The following VKORC1L1 variants were observed in gnomAD, a reference collection of about 807,000 sequenced individuals.
VKORC1L1 encodes the protein vitamin K epoxide reductase complex subunit 1L1.
In VKORC1L1, 2 loss-of-function variants were observed where a neutral mutation model predicts 18.9. The observed-to-expected ratio is 0.11, with a 90% CI of 0.04 to 0.33. The LOEUF (loss-of-function observed/expected upper bound fraction) is 0.33. Ranked by LOEUF, VKORC1L1 falls within the 10% of genes least tolerant of loss-of-function variation. The pLI is 1.00. For synonymous variants in VKORC1L1, 96 were observed against 100.0 expected, an observed-to-expected ratio of 0.96 and a Z score of 0.24; for missense variants, 123 against 224.1, an observed-to-expected ratio of 0.55 and a Z score of 2.88.
chr7:65,874,216 A>G (rs62470880), intron 1 of VKORC1L1, among the ~76,000 whole-genome samples: 5,650 of 152,124 alleles, frequency 0.037, 162 homozygotes, highest in East Asian at 0.088. Context: ...CGCACTTAAC[A>G]TATCTGATTT....
rs1400355624 is a variant in VKORC1L1, at chr7:65,922,919, A to G, written c.195-25752A>G. Among the ~76,000 whole-genome samples, 3 of 152,090 alleles carry G rather than the reference A, an allele frequency of 2.0e-5. 1 individual carries two copies. Among genetic ancestry groups the G allele is most frequent in the Non-Finnish European group, 4.4e-5 (3 of 68,020 alleles). Reference sequence around the variant, plus strand: ...CTGCTTGGGGTTCAACTCTTCTTGAATCTGTGGCTTAGTGTGTCTTTCTTC... The same window carrying G: ...CTGCTTGGGGTTCAACTCTTCTTGAGTCTGTGGCTTAGTGTGTCTTTCTTC... On this transcript the variant is annotated intron_variant, in intron 1 of 2. Coordinates refer to ENST00000360768, the MANE Select transcript of VKORC1L1 (RefSeq NM_173517.6).
intron 1 of VKORC1L1, among the ~76,000 whole-genome samples, chr7:65,901,161 G>C (rs1187801836): frequency 6.6e-6 from 1 of 152,196 alleles, no homozygotes; most frequent in East Asian, 1.9e-4. Context: ...ATTTTGTTCG[G>C]TGTTATAAAG....
At chr7:65,933,077 CAAAAAAAA>C (rs59403784) in intron 1 of VKORC1L1, among the ~76,000 whole-genome samples, 2 of 65,356 alleles carry the variant, frequency 3.1e-5, no homozygotes, top group Non-Finnish European at 6.3e-5. Flanking sequence ...GACTTCGTCT[CAAAAAAAA>C]AAAAAAAAAA....
intron 1 of VKORC1L1, among the ~76,000 whole-genome samples, chr7:65,928,000 CTT>C (rs1317264494): frequency 3.3e-5 from 5 of 152,116 alleles, no homozygotes; most frequent in African/African-American, 1.2e-4. Flanking sequence ...TTCTTTATCT[CTT>C]TATTTCCGTG....
chr7:65,917,809 A>G (rs1476831194), intron 1 of VKORC1L1, among the ~76,000 whole-genome samples: 3 of 152,226 alleles, frequency 2.0e-5, no homozygotes, highest in Admixed American at 2.0e-4. Flanking sequence ...ATACAATGAA[A>G]TACACAGATT....
At chr7:65,869,160 C>T, upstream of VKORC1L1, among the ~76,000 whole-genome samples, 1 of 151,144 alleles carries the variant, frequency 6.6e-6, no homozygotes, top group Non-Finnish European at 1.5e-5. Context: ...ACTAAAAATA[C>T]AAAAATTAGC....
rs1329698614 is a variant in VKORC1L1, at chr7:65,874,630, AC to A, written c.194+1069del. On this transcript the variant is annotated intron_variant, in intron 1 of 2. Coordinates refer to ENST00000360768, the MANE Select transcript of VKORC1L1 (RefSeq NM_173517.6). ...AGACCAGCCTGGCCAACATGGTGAA[AC>A]CCCGTCTCTACCAAAAATACAAAAA... 2.0e-5 allele frequency among the ~76,000 whole-genome samples: 3 copies of A among 152,036 alleles called. No individual in the cohort carries two copies. In the East Asian group the frequency reaches 5.9e-4, roughly 30 times the overall value.
intron 1 of VKORC1L1, among the ~76,000 whole-genome samples, chr7:65,877,935 C>T (rs1024099746): frequency 1.4e-4 from 22 of 152,104 alleles, no homozygotes; most frequent in African/African-American, 5.1e-4. Flanking sequence ...TCCATATATG[C>T]AGGTTTCGGT....
chr7:65,932,246 C>T (rs1163336659), intron 1 of VKORC1L1, among the ~76,000 whole-genome samples: 2 of 151,688 alleles, frequency 1.3e-5, no homozygotes, highest in African/African-American at 4.8e-5. Flanking sequence ...TACAGGCACC[C>T]GCCACCACCT....
intron 1 of VKORC1L1, among the ~76,000 whole-genome samples, chr7:65,913,191 A>AAT (rs1388962257): frequency 6.6e-6 from 1 of 152,174 alleles, no homozygotes; most frequent in East Asian, 1.9e-4. Context: ...ATTTTTATGA[A>AAT]ATATATATCA....
In VKORC1L1 at chr7:65,955,836, A is replaced by G. The variant is rs1469570959; in HGVS notation, c.*1536A>G. 6.6e-6 allele frequency: 1 copy of G among 152,214 alleles called. No homozygotes were observed. The highest frequency in any genetic ancestry group is 1.5e-5 in the Non-Finnish European group (1 of 68,038). The allele number at this position is 152,214 out of a possible 1,614,324, so 9.4% of individuals were successfully genotyped here. On this transcript the variant is annotated 3_prime_UTR_variant, in exon 3 of 3. Coordinates refer to ENST00000360768, the MANE Select transcript of VKORC1L1 (RefSeq NM_173517.6). ...GTTGAAAATAGTCAATGAGACCAGTATCTCTTGAGTGCTTTATTTGCCTTC... is the reference window on the plus strand; with the variant it reads ...GTTGAAAATAGTCAATGAGACCAGTGTCTCTTGAGTGCTTTATTTGCCTTC...
intron 1 of VKORC1L1, among the ~76,000 whole-genome samples, chr7:65,888,231 G>T (rs1379255456): frequency 1.3e-5 from 2 of 151,978 alleles, no homozygotes. Context: ...AAGTCTATAG[G>T]GTCCCTGGGA....
chr7:65,956,601 T>C lies in VKORC1L1; in HGVS notation c.*2301T>C. ...GTCGAATTAATACCCTTTTTCTCAC[T>C]GAGAGAGGAACACGTACTGCCTGTC... On this transcript the variant is annotated 3_prime_UTR_variant, in exon 3 of 3. Coordinates refer to ENST00000360768, the MANE Select transcript of VKORC1L1 (RefSeq NM_173517.6). 6.6e-6 allele frequency: 1 copy of C among 152,310 alleles called. No individual in the cohort carries two copies. The highest frequency in any genetic ancestry group is 2.1e-4 in the South Asian group (1 of 4,832). 9.4% of individuals were successfully genotyped at this position (152,310 alleles called of 1,614,324 possible). A position where few individuals can be genotyped will look rare whatever the true frequency, so the allele number is the denominator to read the frequency against.
At chr7:65,897,896 C>T (rs2116381979) in intron 1 of VKORC1L1, among the ~76,000 whole-genome samples, 1 of 152,090 alleles carries the variant, frequency 6.6e-6, no homozygotes, top group Admixed American at 6.6e-5. Flanking sequence ...TTTGTTTTAG[C>T]AGTTTCATCC....
In VKORC1L1 at chr7:65,900,117, T is replaced by C. The variant is rs1789288249; in HGVS notation, c.194+26552T>C. 2.0e-5 allele frequency among the ~76,000 whole-genome samples: 3 copies of C among 150,834 alleles called. No homozygotes were observed. The South Asian group carries it at 6.3e-4, about 32-fold the overall frequency. On this transcript the variant is annotated intron_variant, in intron 1 of 2. Coordinates refer to ENST00000360768, the MANE Select transcript of VKORC1L1 (RefSeq NM_173517.6). ...GAAAATACAGAAAAATAGCCAGGTG[T>C]GGTGGCTCATGCCTGTAATCCCAGC...
chr7:65,888,787 C>G (rs1272832307), intron 1 of VKORC1L1, among the ~76,000 whole-genome samples: 1 of 152,198 alleles, frequency 6.6e-6, no homozygotes, highest in Non-Finnish European at 1.5e-5. Flanking sequence ...CTGCCTTCCT[C>G]CTTCCTGAGA....
At position 65,942,462 on chromosome 7, in the gene VKORC1L1, G is replaced by A. The variant is rs550656680; in HGVS notation, c.195-6209G>A. 2.7e-5 allele frequency among the ~76,000 whole-genome samples: 4 copies of A among 145,680 alleles called. No individual in the cohort carries two copies. In the South Asian group the frequency reaches 9.0e-4, roughly 33 times the overall value. ...AGCCAAGACCACGCCACTGCACACC[G>A]GCCTGGGTGACAGAGCGAGACTCCA... On this transcript the variant is annotated intron_variant, in intron 1 of 2. Coordinates refer to ENST00000360768, the MANE Select transcript of VKORC1L1 (RefSeq NM_173517.6).
chr7:65,904,999 A>G (rs1006341824), intron 1 of VKORC1L1, among the ~76,000 whole-genome samples: 1 of 152,188 alleles, frequency 6.6e-6, no homozygotes, highest in African/African-American at 2.4e-5. Flanking sequence ...GTATATACAT[A>G]CACATGCCTG....
At chr7:65,901,953 C>T (rs1251680887) in intron 1 of VKORC1L1, among the ~76,000 whole-genome samples, 1 of 152,122 alleles carries the variant, frequency 6.6e-6, no homozygotes, top group Admixed American at 6.6e-5. Context: ...AGGCTAAATT[C>T]GCCCTAATTT....
Sources: gnomAD v4.1 joint callset for allele counts (sites outside exome capture counted in the v4.1 genomes callset) on GRCh38, gnomAD v4.1.1 for gene constraint, MANE v1.5 for transcripts, NCBI Gene and HGNC (gene_info 2026-07-23, HGNC 2026-07-21) for gene names.